Variants in PRR5 observed in about 807,000 individuals in gnomAD.
PRR5 encodes the protein proline-rich protein 5.
In PRR5, 25 loss-of-function variants were observed where a neutral mutation model predicts 30.6. That is an observed-to-expected ratio of 0.82 (90% CI 0.60 to 1.14). PRR5 has a LOEUF of 1.14. Among genes scored for constraint, PRR5 ranks in the 50% most tolerant of loss-of-function variants. PRR5 has a pLI of 0.00. For synonymous variants in PRR5, 286 were observed against 247.1 expected (o/e 1.16, Z -1.48); for missense variants, 600 against 547.1 (o/e 1.10, Z -0.96).
At chr22:44,732,513 AGAG>A in intron 6 of PRR5, 122 bp downstream of exon 6, 1 of 1,406,764 alleles carries the variant, frequency 7.1e-7, no homozygotes, top group Non-Finnish European at 9.5e-7. Flanking sequence ...GGGCCCGATC[AGAG>A]GAGAAGCCTG....
chr22:44,720,864 G>C (rs574936211), intron 2 of PRR5, among the ~76,000 whole-genome samples: 1 of 152,328 alleles, frequency 6.6e-6, no homozygotes, highest in South Asian at 2.1e-4. Context: ...TGTCAGAGGA[G>C]GCCAGGGGAG....
At chr22:44,680,135 C>T (rs1253430622) in intron 1 of PRR5, among the ~76,000 whole-genome samples, 4 of 152,016 alleles carry the variant, frequency 2.6e-5, no homozygotes, top group African/African-American at 4.8e-5. Flanking sequence ...GGAGGGTGCT[C>T]GGGGCCGTAG....
At chr22:44,692,440 C>T (rs1278897342) in intron 1 of PRR5, among the ~76,000 whole-genome samples, 2 of 146,612 alleles carry the variant, frequency 1.4e-5, no homozygotes, top group African/African-American at 2.5e-5. Context: ...GCTCCTCCTC[C>T]TGGGGCTCCT....
At chr22:44,699,507 A>G (rs762734784), upstream of PRR5, among the ~76,000 whole-genome samples, 17 of 152,084 alleles carry the variant, frequency 1.1e-4, no homozygotes, top group Non-Finnish European at 1.8e-4. Context: ...GGGCACTTTT[A>G]TGAGGCATTT....
At chr22:44,689,910 A>G (rs1310051640) in intron 1 of PRR5, among the ~76,000 whole-genome samples, 1 of 152,162 alleles carries the variant, frequency 6.6e-6, no homozygotes, top group Non-Finnish European at 1.5e-5. Flanking sequence ...CGGCTTCCCA[A>G]AGTGCTGGGA....
At chr22:44,701,723 A>C (rs1926313188), upstream of PRR5, among the ~76,000 whole-genome samples, 1 of 152,256 alleles carries the variant, frequency 6.6e-6, no homozygotes, top group Non-Finnish European at 1.5e-5. Flanking sequence ...GCCCGGGTGG[A>C]GTGGGTTCTT....
chr22:44,695,249 A>G (rs1214670553), intron 1 of PRR5, among the ~76,000 whole-genome samples: 3 of 152,200 alleles, frequency 2.0e-5, no homozygotes, highest in East Asian at 1.9e-4. Flanking sequence ...AGGCATTGCA[A>G]TGGGAATTCG....
rs1046761121 is a variant in PRR5, at chr22:44,691,169, G to T, written c.-10-11323G>T. On this transcript the variant is annotated intron_variant, in intron 1 of 8. Transcript: ENST00000006251. The surrounding 1 kb of genome is among the most constrained non-coding windows in gnomAD (Gnocchi z 4.4). ...CTGAGAAAGAGGGCAGAGGAACGGT[G>T]AGCCCAGGCTTCAGGTAGGAAGATC... is the stretch of plus-strand genomic sequence containing the variant. Among the ~76,000 whole-genome samples, 1 of 152,142 alleles carries T rather than the reference G, an allele frequency of 6.6e-6. No homozygotes were observed. Among genetic ancestry groups the T allele is most frequent in the African/African-American group, 2.4e-5 (1 of 41,424 alleles).
chr22:44,673,692 G>A (rs760544874), upstream of PRR5, among the ~76,000 whole-genome samples: 6 of 152,282 alleles, frequency 3.9e-5, no homozygotes, highest in East Asian at 3.9e-4. Context: ...ATAGTCTAGG[G>A]CTTGGGTAGG....
chr22:44,678,893 TTG>T (rs1278503466), intron 1 of PRR5, among the ~76,000 whole-genome samples: 7 of 152,180 alleles, frequency 4.6e-5, no homozygotes, highest in African/African-American at 1.7e-4. Context: ...ATTCGATGAA[TTG>T]AGAGCACGAG....
intron 1 of PRR5, among the ~76,000 whole-genome samples, chr22:44,678,573 C>T (rs569079968): frequency 6.6e-6 from 1 of 152,172 alleles, no homozygotes; most frequent in African/African-American, 2.4e-5. Context: ...CCTCTGCCCC[C>T]CAAAGTGCTG....
In PRR5 at chr22:44,722,435, G is replaced by A. The variant is rs570548938; in HGVS notation, c.216-2809G>A. Among the ~76,000 whole-genome samples the A allele has an allele frequency of 2.0e-3, 304 of 152,362 alleles. 3 individuals carry two copies. Among genetic ancestry groups the A allele is most frequent in the African/African-American group, 7.2e-3 (298 of 41,586 alleles). ...ACCTGCAGTACTGCCCGAGCCCCAG[G>A]CTCCGGTGATGGCCAGGTGCAGAAG... On this transcript the variant is annotated intron_variant, in intron 2 of 7. Coordinates refer to ENST00000336985, the MANE Select transcript of PRR5 (RefSeq NM_181333.4).
At chr22:44,696,194 C>T (rs1440800416) in intron 1 of PRR5, among the ~76,000 whole-genome samples, 2 of 152,034 alleles carry the variant, frequency 1.3e-5, no homozygotes, top group African/African-American at 4.8e-5. Flanking sequence ...AAAGTGCTGG[C>T]ATAACAGGCA....
intron 2 of PRR5, among the ~76,000 whole-genome samples, chr22:44,718,192 C>CTCTT (rs1555901074): frequency 2.1e-5 from 2 of 94,578 alleles, no homozygotes; most frequent in African/African-American, 8.5e-5. Context: ...TTTCATCTCT[C>CTCTT]TTTTTTTTTT....
At chr22:44,732,834 C>G (rs1372560182) in intron 6 of PRR5, among the ~76,000 whole-genome samples, 7 of 25,268 alleles carry the variant, frequency 2.8e-4, no homozygotes, top group East Asian at 1.1e-3. Flanking sequence ...CACGCACATA[C>G]TACACACGTG....
At position 44,735,033 on chromosome 22, in the gene PRR5, C is replaced by A; in HGVS notation, c.562C>A (p.His188Asn). Residue 188 changes from histidine (H) to asparagine (N), a missense_variant, in exon 7 of 8, where the codon CAT becomes AAT. By Grantham distance (68) the His-to-Asn change is moderately conservative (BLOSUM62 1). Coordinates refer to ENST00000336985, the MANE Select transcript of PRR5 (RefSeq NM_181333.4). ...VQMLLVLQGV[H>N]ESRGVTEDYL... ...CTGCCCCACTCTCCTGCAGGGGGTA[C>A]ATGAGTCCAGGGGCGTGACTGAGGA... is the stretch of plus-strand genomic sequence containing the variant. 6.2e-7 allele frequency: 1 copy of A among 1,612,554 alleles called. No homozygotes were observed. Among genetic ancestry groups the A allele is most frequent in the Non-Finnish European group, 8.5e-7 (1 of 1,179,458 alleles).
At chr22:44,726,704 C>T (rs762166915) in intron 4 of PRR5, 70 bp downstream of exon 4, 28 of 1,610,246 alleles carry the variant, frequency 1.7e-5, no homozygotes, top group Non-Finnish European at 2.3e-5. Context: ...ACTGCTGGGC[C>T]TCGTGCTGGG....
chr22:44,735,202 C>T, intron 7 of PRR5, 40 bp downstream of exon 7: 2 of 1,581,140 alleles, frequency 1.3e-6, no homozygotes, highest in Non-Finnish European at 1.7e-6. Context: ...GCAGGGGTGA[C>T]CACGGGCCCC....
chr22:44,687,595 A>G (rs1056832938), intron 1 of PRR5, among the ~76,000 whole-genome samples: 23 of 151,718 alleles, frequency 1.5e-4, no homozygotes, highest in Admixed American at 1.3e-3. Context: ...GCTACATTTT[A>G]TTAAGGTTGC....
Sources: allele counts gnomAD v4.1 joint callset (sites outside exome capture counted in the v4.1 genomes callset), GRCh38; gene constraint gnomAD v4.1.1; non-coding constraint Gnocchi (gnomAD v3.1); transcripts MANE v1.5; gene names NCBI Gene and HGNC (gene_info 2026-07-23, HGNC 2026-07-21).